Variants in COLEC12 observed in about 807,000 individuals in gnomAD.
The protein encoded by COLEC12 is collectin subfamily member 12, also known as collectin-12.
A neutral mutation model predicts 71.1 loss-of-function variants in COLEC12; 33 were observed. The ratio of observed to expected loss-of-function variants is 0.46; its 90% confidence interval spans 0.35 to 0.62. The LOEUF is 0.62. Ranked by LOEUF, COLEC12 falls within the 20% of genes least tolerant of loss-of-function variation. The pLI, the probability that COLEC12 is intolerant of heterozygous loss-of-function variation, is 0.00. For synonymous variants in COLEC12, 350 were observed against 353.0 expected (o/e 0.99, Z 0.10); for missense variants, 765 against 916.1 (o/e 0.84, Z 2.13).
At chr18:418,284 A>C (rs1300796624) in intron 2 of COLEC12, among the ~76,000 whole-genome samples, 1 of 152,226 alleles carries the variant, frequency 6.6e-6, no homozygotes, top group Non-Finnish European at 1.5e-5. Flanking sequence ...AAAATAAAGG[A>C]TCTTTTCTTC....
chr18:477,514 G>A (rs537380804), intron 2 of COLEC12, among the ~76,000 whole-genome samples: 80 of 148,576 alleles, frequency 5.4e-4, no homozygotes, highest in Non-Finnish European at 3.4e-4. Flanking sequence ...CAATGTTACC[G>A]TCTTTAGAAG....
chr18:386,461 C>A (rs1915347444), intron 2 of COLEC12, among the ~76,000 whole-genome samples: 2 of 152,190 alleles, frequency 1.3e-5, no homozygotes, highest in Admixed American at 1.3e-4. Context: ...TGTCCCCAGA[C>A]CTACTGAATC....
intron 5 of COLEC12, among the ~76,000 whole-genome samples, chr18:338,159 G>T (rs993374731): frequency 2.0e-5 from 3 of 152,064 alleles, no homozygotes; most frequent in Non-Finnish European, 2.9e-5. Flanking sequence ...AATTTCCTCT[G>T]CCCATGTCCT....
At chr18:352,662 G>T (rs1221323423) in intron 3 of COLEC12, among the ~76,000 whole-genome samples, 3 of 152,192 alleles carry the variant, frequency 2.0e-5, no homozygotes, top group African/African-American at 7.2e-5. Flanking sequence ...GGAAATGTTA[G>T]GATTGCAATG....
intron 6 of COLEC12, chr18:333,645 G>A (rs1380020516): frequency 4.6e-5 from 7 of 152,662 alleles, no homozygotes; most frequent in African/African-American, 1.7e-4. Flanking sequence ...TTTGCCAAAG[G>A]TTTAATTATC....
intron 2 of COLEC12, among the ~76,000 whole-genome samples, chr18:467,350 T>C (rs1240261943): frequency 6.6e-6 from 1 of 152,230 alleles, no homozygotes; most frequent in Non-Finnish European, 1.5e-5. Flanking sequence ...GACCACTGGA[T>C]ACCCTTTTGT....
At chr18:433,963 C>A (rs1417007394) in intron 2 of COLEC12, among the ~76,000 whole-genome samples, 263 of 130,070 alleles carry the variant, frequency 2.0e-3, no homozygotes, top group African/African-American at 2.0e-3. Context: ...GACCCTGCCT[C>A]AAAAAAAAAA....
At chr18:430,385 T>C (rs1916280601) in intron 2 of COLEC12, among the ~76,000 whole-genome samples, 1 of 152,130 alleles carries the variant, frequency 6.6e-6, no homozygotes, top group Admixed American at 6.5e-5. Flanking sequence ...GAGAACTGCA[T>C]ACTCCATATC....
chr18:382,524 C>A lies in COLEC12; in HGVS notation c.59-25002G>T, dbSNP rs1367063044. 2.6e-5 allele frequency among the ~76,000 whole-genome samples: 4 copies of A among 152,066 alleles called. No individual in the cohort carries two copies. The East Asian group carries it at 7.7e-4, about 29-fold the overall frequency. ...TGAAAGGCTGGAACTCTGGAGCAAA[C>A]CCAATATAATGAAATTCAACAGGAA... On this transcript the variant is annotated intron_variant, in intron 2 of 9. Coordinates refer to ENST00000400256, the MANE Select transcript of COLEC12 (RefSeq NM_130386.3).
intron 2 of COLEC12, among the ~76,000 whole-genome samples, chr18:386,561 C>A (rs1020579851): frequency 1.3e-5 from 2 of 152,206 alleles, no homozygotes; most frequent in Non-Finnish European, 2.9e-5. Flanking sequence ...GAGTCTCTAA[C>A]CTCTCACCCT....
intron 8 of COLEC12, among the ~76,000 whole-genome samples, chr18:322,607 T>C (rs1412154789): frequency 6.6e-6 from 1 of 152,216 alleles, no homozygotes; most frequent in Non-Finnish European, 1.5e-5. Flanking sequence ...ACTCACCCCT[T>C]GAAGGTTCAA....
chr18:321,439 C>T (rs1598323915), intron 9 of COLEC12, among the ~76,000 whole-genome samples: 1 of 152,240 alleles, frequency 6.6e-6, no homozygotes, highest in Admixed American at 6.5e-5. Context: ...GTACTTCCTA[C>T]ATGTGAGGCA....
intron 2 of COLEC12, among the ~76,000 whole-genome samples, chr18:403,087 A>G (rs1285756622): frequency 6.6e-6 from 1 of 152,210 alleles, no homozygotes; most frequent in Non-Finnish European, 1.5e-5. Flanking sequence ...CAAAGTAAGA[A>G]GTGCAAACCG....
At chr18:488,444 A>T (rs1476915891) in intron 1 of COLEC12, among the ~76,000 whole-genome samples, 1 of 152,198 alleles carries the variant, frequency 6.6e-6, no homozygotes, top group Non-Finnish European at 1.5e-5. Context: ...TTTGGAAATT[A>T]AAAAATATGA....
chr18:397,149 A>T (rs1218962265), intron 2 of COLEC12, among the ~76,000 whole-genome samples: 1 of 152,146 alleles, frequency 6.6e-6, no homozygotes, highest in Non-Finnish European at 1.5e-5. Flanking sequence ...TTTGTACAGT[A>T]TGTCCTCCAA....
intron 3 of COLEC12, among the ~76,000 whole-genome samples, chr18:354,014 T>A (rs73373554): frequency 0.045 from 6,883 of 152,248 alleles, 489 homozygotes; most frequent in African/African-American, 0.15. Flanking sequence ...TTAAAGGAGA[T>A]CCTTATTGAG....
intron 2 of COLEC12, among the ~76,000 whole-genome samples, chr18:404,276 G>T (rs1915743089): frequency 6.6e-6 from 1 of 152,046 alleles, no homozygotes; most frequent in Non-Finnish European, 1.5e-5. Flanking sequence ...AAAAGCAAAT[G>T]GTAAGAGTAT....
rs138124360 is a variant in COLEC12, at chr18:399,582, C to G, written c.59-42060G>C. ...GGGAATGGAGCACAGATGGTCTCCACCCTCATCTGAAGCTTTTGTCTAAGT... is the reference window on the plus strand; with the variant it reads ...GGGAATGGAGCACAGATGGTCTCCAGCCTCATCTGAAGCTTTTGTCTAAGT... On this transcript the variant is annotated intron_variant, in intron 2 of 9. Transcript: ENST00000400256. This position sits in a 1 kb window ranked among gnomAD's most constrained non-coding sequence, Gnocchi z 4.0. Among the ~76,000 whole-genome samples the G allele has an allele frequency of 1.8e-3, 269 of 152,306 alleles. 1 individual carries two copies. The highest frequency in any genetic ancestry group is 4.3e-3 in the South Asian group (21 of 4,828).
Position 334,943 on chromosome 18 carries a change from CG to C in COLEC12, c.1614del (p.Gly539AlafsTer107), listed in dbSNP as rs766571982. ...PPGPPGKEGL[P>X]GPQGPPGFQG... The stretch of plus-strand genomic sequence containing the variant: ...TGGAAGCCAGGAGGGCCCTGAGGGC[CG>C]GGGAGTCCCTCTTTGCCTGGTGGGC... On this transcript the variant is annotated frameshift_variant, in exon 6 of 10. Coordinates refer to ENST00000400256, the MANE Select transcript of COLEC12 (RefSeq NM_130386.3). LOFTEE classifies it high-confidence loss of function. 3 of 1,571,118 alleles carry C rather than the reference CG, an allele frequency of 1.9e-6. No homozygotes were observed. The highest frequency in any genetic ancestry group is 2.1e-5 in the Admixed American group (1 of 47,906).
Sources: allele counts gnomAD v4.1 joint callset (sites outside exome capture counted in the v4.1 genomes callset), GRCh38; gene constraint gnomAD v4.1.1; non-coding constraint Gnocchi (gnomAD v3.1); transcripts MANE v1.5; gene names NCBI Gene and HGNC (gene_info 2026-07-23, HGNC 2026-07-21).